The following MARCHF6 variants were observed in gnomAD, a reference collection of about 807,000 sequenced individuals.
MARCHF6 encodes the protein E3 ubiquitin-protein ligase MARCHF6.
MARCHF6 carries 31 observed loss-of-function variants against 133.7 expected under a neutral mutation model. The observed-to-expected ratio is 0.23, with a 90% CI of 0.17 to 0.31. MARCHF6 has a LOEUF of 0.31. Ranked by LOEUF, MARCHF6 falls within the 10% of genes least tolerant of loss-of-function variation. MARCHF6 has a pLI of 1.00. For synonymous variants in MARCHF6, 395 were observed against 402.5 expected (o/e 0.98, Z 0.22); for missense variants, 723 against 1,121.6 (o/e 0.64, Z 5.08).
Position 10,435,603 on chromosome 5 carries a change from T to A in MARCHF6, c.*1919T>A, listed in dbSNP as rs1344577195. ...TGCTCTCTTTGGGAGAAAAACATTA[T>A]TATTGAATTGAGCATATAACTATAT... On this transcript the variant is annotated 3_prime_UTR_variant, in exon 26 of 26. Coordinates refer to ENST00000274140, the MANE Select transcript of MARCHF6 (RefSeq NM_005885.4). The A allele has an allele frequency of 8.2e-6, 1 of 121,558 alleles. No homozygotes were observed. Among genetic ancestry groups the A allele is most frequent in the Non-Finnish European group, 1.7e-5 (1 of 60,034 alleles). The allele number at this position is 121,558 out of a possible 1,614,324, so 7.5% of individuals were successfully genotyped here.
intron 25 of MARCHF6, among the ~76,000 whole-genome samples, chr5:10,432,683 C>A (rs578236995): frequency 9.9e-5 from 15 of 152,244 alleles, no homozygotes; most frequent in Non-Finnish European, 2.1e-4. Flanking sequence ...CTTGTTTCTG[C>A]AGCCCTGTGG....
At chr5:10,383,531 A>G (rs1579554822) in intron 4 of MARCHF6, among the ~76,000 whole-genome samples, 1 of 152,216 alleles carries the variant, frequency 6.6e-6, no homozygotes, top group African/African-American at 2.4e-5. Context: ...AAAATTAGCA[A>G]TGTTGAATGC....
chr5:10,426,244 A>C (rs1177868677), intron 23 of MARCHF6, 146 bp from the exon 24 acceptor site: 1 of 797,942 alleles, frequency 1.3e-6, no homozygotes, highest in Non-Finnish European at 2.1e-6. Context: ...GCTTATGTTG[A>C]TATACCAGAA....
chr5:10,426,299 G>A lies in MARCHF6; in HGVS notation c.2374-91G>A. The A allele has an allele frequency of 4.2e-6, 6 of 1,425,180 alleles. No homozygotes were observed. In the South Asian group the frequency reaches 5.3e-5, roughly 13 times the overall value. The allele number at this position is 1,425,180 out of a possible 1,614,324, so 88.3% of individuals were successfully genotyped here. On this transcript the variant is annotated intron_variant, in intron 23 of 25. Coordinates refer to ENST00000274140, the MANE Select transcript of MARCHF6 (RefSeq NM_005885.4). ...AAGTAACCAGTTTGACTATTTTTGG[G>A]TTGGCAGATTCAGTTGTGTGGAGAT...
intron 1 of MARCHF6, among the ~76,000 whole-genome samples, chr5:10,357,142 G>A (rs1183261633): frequency 6.6e-6 from 1 of 151,536 alleles, no homozygotes; most frequent in African/African-American, 2.4e-5. Flanking sequence ...TTATGGGTTA[G>A]GAGTCCGATC....
In MARCHF6 at chr5:10,430,035, C is replaced by G; in HGVS notation, c.2642+7C>G. On this transcript the variant is annotated splice_region_variant and intron_variant, in intron 25 of 25. Transcript: ENST00000274140. ...AACATATTAAAAATGACAAGTAAGT[C>G]TGGCGTTCTGTTCGTCTCTTGTTTA... The G allele has an allele frequency of 6.2e-7, 1 of 1,605,474 alleles. No homozygotes were observed. The highest frequency in any genetic ancestry group is 1.1e-5 in the South Asian group (1 of 90,300).
At chr5:10,413,390 A>G (rs2126792455) in intron 19 of MARCHF6, 1 of 152,268 alleles carries the variant, frequency 6.6e-6, no homozygotes, top group African/African-American at 2.4e-5. Flanking sequence ...GGGTTTTGTT[A>G]TCTGTCCTTT....
Position 10,381,793 on chromosome 5 carries a change from C to G in MARCHF6, c.191-7C>G, listed in dbSNP as rs1380237309. On this transcript the variant is annotated splice_region_variant and splice_polypyrimidine_tract_variant and intron_variant, in intron 3 of 25. Coordinates refer to ENST00000274140, the MANE Select transcript of MARCHF6 (RefSeq NM_005885.4). The stretch of plus-strand genomic sequence containing the variant: ...TGAAACTGTAAGTACTTTTTTTCCG[C>G]TTATAGTTTATTCTCCAGATATGCC... 2 of 1,578,262 alleles carry G rather than the reference C, an allele frequency of 1.3e-6. No individual in the cohort carries two copies. The highest frequency in any genetic ancestry group is 3.9e-5 in the Admixed American group (2 of 50,700).
At chr5:10,383,456 G>A (rs1737277324) in intron 4 of MARCHF6, among the ~76,000 whole-genome samples, 1 of 152,142 alleles carries the variant, frequency 6.6e-6, no homozygotes, top group African/African-American at 2.4e-5. Flanking sequence ...GGTGATAGAG[G>A]TATAGAGATT....
chr5:10,403,672 G>C, intron 15 of MARCHF6, 131 bp downstream of exon 15: 1 of 797,204 alleles, frequency 1.3e-6, no homozygotes, highest in Non-Finnish European at 1.8e-6. Flanking sequence ...TTCTAAGAGG[G>C]AATAACTTAT....
At chr5:10,377,180 G>A (rs547047533) in intron 1 of MARCHF6, among the ~76,000 whole-genome samples, 140 of 152,210 alleles carry the variant, frequency 9.2e-4, no homozygotes, top group African/African-American at 3.3e-3. Flanking sequence ...ACCCCTTAGC[G>A]CTGTCCCTTC....
intron 1 of MARCHF6, among the ~76,000 whole-genome samples, chr5:10,362,846 G>T (rs976051497): frequency 2.6e-4 from 40 of 152,162 alleles, no homozygotes; most frequent in African/African-American, 9.2e-4. Context: ...AAATCCATTT[G>T]TCTGGTAGTG....
chr5:10,391,436 GTTT>G (rs35378319), intron 6 of MARCHF6, 103 bp from the exon 7 acceptor site: 321 of 305,532 alleles, frequency 1.1e-3, no homozygotes, highest in South Asian at 1.5e-3. Flanking sequence ...CCTGGCCTAG[GTTT>G]TTTTTTTTTT....
chr5:10,376,491 A>G (rs1736787684), intron 1 of MARCHF6, among the ~76,000 whole-genome samples: 1 of 152,254 alleles, frequency 6.6e-6, no homozygotes, highest in Non-Finnish European at 1.5e-5. Context: ...TCTTGAAGTC[A>G]GTGAGACCAA....
At chr5:10,405,390 G>A (rs1013694883) in intron 15 of MARCHF6, among the ~76,000 whole-genome samples, 168 bp from the exon 16 acceptor site, 1 of 151,962 alleles carries the variant, frequency 6.6e-6, no homozygotes, top group Non-Finnish European at 1.5e-5. Context: ...TTTTCATAAA[G>A]ATTCTGGTTT....
chr5:10,398,611 G>A (rs1462922105), intron 10 of MARCHF6, among the ~76,000 whole-genome samples: 1 of 151,346 alleles, frequency 6.6e-6, no homozygotes, highest in African/African-American at 2.4e-5. Context: ...GAGAAAAAAT[G>A]ATCTATAGAT....
At position 10,435,342 on chromosome 5, in the gene MARCHF6, C is replaced by T. The variant is rs1303534343; in HGVS notation, c.*1658C>T. The T allele has an allele frequency of 2.1e-5, 3 of 145,728 alleles. No homozygotes were observed. Among genetic ancestry groups the T allele is most frequent in the East Asian group, 2.0e-4 (1 of 4,992 alleles). 9.0% of individuals were successfully genotyped at this position (145,728 alleles called of 1,614,324 possible). On this transcript the variant is annotated 3_prime_UTR_variant, in exon 26 of 26. Transcript: ENST00000274140. ...CCGGTTGTCCTGGCACACAAGGAGGCGAGGCTATGCGTTCGAGGCCAACCT... is the reference window on the plus strand; with the variant it reads ...CCGGTTGTCCTGGCACACAAGGAGGTGAGGCTATGCGTTCGAGGCCAACCT...
intron 1 of MARCHF6, among the ~76,000 whole-genome samples, chr5:10,358,618 CAT>C (rs1252738847): frequency 6.6e-6 from 1 of 152,090 alleles, no homozygotes; most frequent in Non-Finnish European, 1.5e-5. Context: ...TCTTGAACAA[CAT>C]GGGTTTTTGA....
chr5:10,410,696 A>G (rs934770441), intron 18 of MARCHF6, among the ~76,000 whole-genome samples: 5 of 152,082 alleles, frequency 3.3e-5, no homozygotes, highest in Admixed American at 1.3e-4. Flanking sequence ...CAAGCTTTAT[A>G]TACTCTATAT....
Sources: gnomAD v4.1 joint callset for allele counts (sites outside exome capture counted in the v4.1 genomes callset) on GRCh38, gnomAD v4.1.1 for gene constraint, MANE v1.5 for transcripts, NCBI Gene and HGNC (gene_info 2026-07-23, HGNC 2026-07-21) for gene names.